The following NARS2 variants were observed in gnomAD, a reference collection of about 807,000 sequenced individuals.
The protein encoded by NARS2 is asparaginyl-tRNA synthetase 2, mitochondrial.
In NARS2, 60 loss-of-function variants were observed where a neutral mutation model predicts 62.9. That is an observed-to-expected ratio of 0.95 (90% CI 0.77 to 1.18). The LOEUF is 1.18. Among genes scored for constraint, NARS2 ranks in the 50% most tolerant of loss-of-function variants. NARS2 has a pLI of 0.00. For missense variants in NARS2, 619 were observed against 576.4 expected, an observed-to-expected ratio of 1.07 and a Z score of -0.76; for synonymous variants, 196 against 200.0, an observed-to-expected ratio of 0.98 and a Z score of 0.17.
intron 11 of NARS2, among the ~76,000 whole-genome samples, chr11:78,450,883 T>C (rs12288710): frequency 0.013 from 1,940 of 146,086 alleles, 44 homozygotes; most frequent in African/African-American, 0.046. Flanking sequence ...GGTTTCACCA[T>C]GTTGGGCAGG....
At chr11:78,485,643 G>C (rs1423109027) in intron 7 of NARS2, among the ~76,000 whole-genome samples, 5 of 152,110 alleles carry the variant, frequency 3.3e-5, no homozygotes, top group Non-Finnish European at 5.9e-5. Flanking sequence ...TACTAGTCTG[G>C]TAAAGTCCCT....
At chr11:78,476,682 T>C (rs2135257387) in intron 9 of NARS2, among the ~76,000 whole-genome samples, 1 of 152,352 alleles carries the variant, frequency 6.6e-6, no homozygotes. Context: ...AAACTGCAAC[T>C]ATGATTTGTA....
rs1016230908 is a variant in NARS2 at position 78,552,401 on chromosome 11, C to A, written c.594+7138G>T. 2.6e-5 allele frequency among the ~76,000 whole-genome samples: 4 copies of A among 152,090 alleles called. 1 individual carries two copies. The South Asian group carries it at 8.3e-4, about 32-fold the overall frequency. On this transcript the variant is annotated intron_variant, in intron 5 of 13. Coordinates refer to ENST00000281038, the MANE Select transcript of NARS2 (RefSeq NM_024678.6). Reference sequence around the variant, plus strand: ...CTTTATCCAGTCTGTCACTGATGGGCACTTAGGTTGACTCCGTATCTTTGC... The same window carrying A: ...CTTTATCCAGTCTGTCACTGATGGGAACTTAGGTTGACTCCGTATCTTTGC...
chr11:78,529,970 G>A lies in NARS2; in HGVS notation c.595-1034C>T, dbSNP rs186258693. ...GCTTAGTACCAAATATTAAATTATGGCAACACAGGAAATAAAGTTATTTAA... is the reference window on the plus strand; with the variant it reads ...GCTTAGTACCAAATATTAAATTATGACAACACAGGAAATAAAGTTATTTAA... On this transcript the variant is annotated intron_variant, in intron 5 of 13. Transcript: ENST00000281038. Among the ~76,000 whole-genome samples the A allele has an allele frequency of 2.0e-5, 3 of 152,230 alleles. No individual in the cohort carries two copies. The East Asian group carries it at 5.8e-4, about 29-fold the overall frequency.
chr11:78,457,228 C>T (rs1858198537), intron 11 of NARS2, among the ~76,000 whole-genome samples: 1 of 152,150 alleles, frequency 6.6e-6, no homozygotes, highest in Non-Finnish European at 1.5e-5. Flanking sequence ...AAAAACATAC[C>T]ATTTTACTAT....
chr11:78,557,752 G>A (rs1856407931), intron 5 of NARS2, among the ~76,000 whole-genome samples: 1 of 149,644 alleles, frequency 6.7e-6, no homozygotes, highest in Non-Finnish European at 1.5e-5. Flanking sequence ...CTGATAATTT[G>A]TCTTAGGTTA....
At chr11:78,481,112 C>A (rs1258192974) in intron 7 of NARS2, among the ~76,000 whole-genome samples, 1 of 151,434 alleles carries the variant, frequency 6.6e-6, no homozygotes, top group Non-Finnish European at 1.5e-5. Flanking sequence ...TGAGCCACCA[C>A]ACCTGGCCTA....
At chr11:78,439,238 C>A (rs1857502699) in intron 13 of NARS2, among the ~76,000 whole-genome samples, 2 of 152,062 alleles carry the variant, frequency 1.3e-5, no homozygotes, top group South Asian at 4.1e-4. Context: ...GGGGTTTTAC[C>A]ATGTTGGTCA....
chr11:78,482,126 A>G (rs1326147368), intron 7 of NARS2, among the ~76,000 whole-genome samples: 2 of 152,186 alleles, frequency 1.3e-5, no homozygotes, highest in African/African-American at 2.4e-5. Context: ...TTGAGAGTCA[A>G]AAGAAATATT....
rs555983022 is a variant in NARS2 at position 78,505,723 on chromosome 11, T to C, written c.690-12528A>G. Among the ~76,000 whole-genome samples the C allele has an allele frequency of 9.8e-5, 15 of 152,316 alleles. No homozygotes were observed. The East Asian group carries it at 2.3e-3, about 23-fold the overall frequency. On this transcript the variant is annotated intron_variant, in intron 6 of 13. Coordinates refer to ENST00000281038, the MANE Select transcript of NARS2 (RefSeq NM_024678.6). Reference sequence around the variant, plus strand: ...ATGGCCTGTACCTTCAAAAAGTTTATAGACTAGCAGGGTCTTCCCTGACCT... The same window carrying C: ...ATGGCCTGTACCTTCAAAAAGTTTACAGACTAGCAGGGTCTTCCCTGACCT...
At chr11:78,486,175 TATTA>T (rs1859565942) in intron 7 of NARS2, among the ~76,000 whole-genome samples, 1 of 152,032 alleles carries the variant, frequency 6.6e-6, no homozygotes, top group African/African-American at 2.4e-5. Flanking sequence ...GCACCCAGCC[TATTA>T]TTTTTTTTTA....
chr11:78,452,567 C>A (rs181385515), intron 11 of NARS2, among the ~76,000 whole-genome samples: 1 of 152,116 alleles, frequency 6.6e-6, no homozygotes. Flanking sequence ...GGTTACCACA[C>A]CAGGTTAATA....
chr11:78,443,864 C>T, intron 11 of NARS2, 106 bp from the exon 12 acceptor site: 1 of 722,620 alleles, frequency 1.4e-6, no homozygotes, highest in African/African-American at 1.8e-5. Flanking sequence ...TAATTAACTA[C>T]CTACCAGAAT....
chr11:78,540,996 T>A (rs1030855016), intron 5 of NARS2, among the ~76,000 whole-genome samples: 5 of 152,042 alleles, frequency 3.3e-5, no homozygotes, highest in African/African-American at 1.2e-4. Flanking sequence ...CCATCTCTAC[T>A]AAAAATACAA....
At chr11:78,478,393 T>C (rs1565224821) in intron 9 of NARS2, 45 bp downstream of exon 9, 2 of 852,974 alleles carry the variant, frequency 2.3e-6, no homozygotes, top group Non-Finnish European at 3.4e-6. Context: ...GTGTGATAAA[T>C]ACAGTGATAA....
intron 13 of NARS2, among the ~76,000 whole-genome samples, chr11:78,439,247 C>T (rs187478254): frequency 6.6e-6 from 1 of 152,210 alleles, no homozygotes; most frequent in African/African-American, 2.4e-5. Context: ...CCATGTTGGT[C>T]AGGCTGGTCT....
At chr11:78,458,694 A>G (rs1160132620) in intron 11 of NARS2, among the ~76,000 whole-genome samples, 3 of 152,224 alleles carry the variant, frequency 2.0e-5, no homozygotes, top group African/African-American at 7.2e-5. Context: ...CACCACACGG[A>G]TACTAGGTGT....
intron 5 of NARS2, among the ~76,000 whole-genome samples, chr11:78,549,528 T>A (rs1856013824): frequency 6.6e-6 from 1 of 152,182 alleles, no homozygotes. Flanking sequence ...AAGGCTAAAC[T>A]GTAGATTTCC....
At chr11:78,532,920 T>C (rs868412150) in intron 5 of NARS2, among the ~76,000 whole-genome samples, 2 of 152,230 alleles carry the variant, frequency 1.3e-5, no homozygotes, top group South Asian at 2.1e-4. Flanking sequence ...CTTCTACTTA[T>C]ATAAGTGAAG....
Sources: gnomAD v4.1 joint callset for allele counts (sites outside exome capture counted in the v4.1 genomes callset) on GRCh38, gnomAD v4.1.1 for gene constraint, MANE v1.5 for transcripts, NCBI Gene and HGNC (gene_info 2026-07-23, HGNC 2026-07-21) for gene names.